Variants in DTNA observed in about 807,000 individuals in gnomAD.
DTNA encodes dystrobrevin alpha, also known as dystrophin-related protein 3.
DTNA carries 43 observed loss-of-function variants against 100.7 expected under a neutral mutation model. That is an observed-to-expected ratio of 0.43 (90% CI 0.33 to 0.55). The LOEUF (loss-of-function observed/expected upper bound fraction) is 0.55, where lower values mean the gene tolerates loss of function less well. DTNA is among the 20% of genes least tolerant of loss of function. The pLI is 0.04. For synonymous variants in DTNA, 349 were observed against 347.9 expected, an observed-to-expected ratio of 1.00 and a Z score of -0.04; for missense variants, 798 against 953.9, an observed-to-expected ratio of 0.84 and a Z score of 2.15.
intron 1 of DTNA, among the ~76,000 whole-genome samples, chr18:34,500,264 A>G (rs2039749202): frequency 6.6e-6 from 1 of 152,024 alleles, no homozygotes; most frequent in Non-Finnish European, 1.5e-5. Flanking sequence ...AGTCTGGTAC[A>G]TATATTACTA....
chr18:34,679,189 A>G, intron 1 of DTNA, among the ~76,000 whole-genome samples: 1 of 152,226 alleles, frequency 6.6e-6, no homozygotes, highest in East Asian at 1.9e-4. Context: ...CCAGGCAACT[A>G]TCATTAACCA....
At chr18:34,504,339 T>A (rs2040270556) in intron 1 of DTNA, among the ~76,000 whole-genome samples, 1 of 152,198 alleles carries the variant, frequency 6.6e-6, no homozygotes, top group Non-Finnish European at 1.5e-5. Context: ...TGTACATACA[T>A]TTGGAACCAC....
chr18:34,636,174 C>A (rs1024446744), intron 1 of DTNA, among the ~76,000 whole-genome samples: 21 of 152,152 alleles, frequency 1.4e-4, no homozygotes, highest in African/African-American at 4.3e-4. Context: ...GAGACAAAGT[C>A]TCACTCTGTC....
At chr18:34,708,594 G>A (rs574534675), upstream of DTNA, among the ~76,000 whole-genome samples, 140 of 152,290 alleles carry the variant, frequency 9.2e-4, no homozygotes, top group Non-Finnish European at 1.6e-3. Flanking sequence ...GTAGGTTGGA[G>A]CAAGCAGCCC....
At chr18:34,612,996 T>C (rs940637780) in intron 1 of DTNA, among the ~76,000 whole-genome samples, 1 of 152,210 alleles carries the variant, frequency 6.6e-6, no homozygotes, top group African/African-American at 2.4e-5. Flanking sequence ...TTTTACAAAT[T>C]GAAGGTTTGT....
chr18:34,785,800 A>T (rs1427566488), intron 3 of DTNA, among the ~76,000 whole-genome samples: 1 of 124,082 alleles, frequency 8.1e-6, no homozygotes, highest in African/African-American at 3.0e-5. Context: ...TCCCTCTCCG[A>T]CACACATGTA....
chr18:34,576,989 C>G (rs2146555835), intron 1 of DTNA, among the ~76,000 whole-genome samples: 1 of 152,266 alleles, frequency 6.6e-6, no homozygotes, highest in East Asian at 1.9e-4. Flanking sequence ...AAAAACTTCT[C>G]TCCCAAAACA....
chr18:34,889,658 G>A lies in DTNA; in HGVS notation c.*1924G>A. The A allele has an allele frequency of 1.0e-6, 1 of 985,776 alleles. No individual in the cohort carries two copies. The highest frequency in any genetic ancestry group is 1.2e-6 in the Non-Finnish European group (1 of 829,974). 61.1% of individuals were successfully genotyped at this position (985,776 alleles called of 1,614,324 possible). A position where few individuals can be genotyped will look rare whatever the true frequency, so the allele number is the denominator to read the frequency against. ...TTGGTCAGACATCATCTCCTTGGCT[G>A]CCCTTTGAAACCAAATCACTTGCCT... On this transcript the variant is annotated 3_prime_UTR_variant, in exon 23 of 23. Coordinates refer to ENST00000444659, the MANE Select transcript of DTNA (RefSeq NM_001386795.1).
intron 13 of DTNA, among the ~76,000 whole-genome samples, chr18:34,839,324 C>T (rs1439477380): frequency 2.0e-5 from 3 of 152,156 alleles, no homozygotes; most frequent in African/African-American, 4.8e-5. Context: ...TGGGAACAAT[C>T]GTCTTTCAGC....
At chr18:34,532,630 C>T (rs1434626963) in intron 1 of DTNA, among the ~76,000 whole-genome samples, 1 of 151,944 alleles carries the variant, frequency 6.6e-6, no homozygotes, top group Non-Finnish European at 1.5e-5. Flanking sequence ...TAATCTCATA[C>T]AATTTTATGC....
chr18:34,753,362 T>TTTATTTA (rs1380392296), intron 1 of DTNA, among the ~76,000 whole-genome samples: 1 of 84,776 alleles, frequency 1.2e-5, no homozygotes, highest in African/African-American at 6.5e-5. Flanking sequence ...TATTTATTTA[T>TTTATTTA]TTTATTTTTT....
chr18:34,511,832 ATATAT>A (rs1266578798), intron 1 of DTNA, among the ~76,000 whole-genome samples: 2 of 152,084 alleles, frequency 1.3e-5, no homozygotes, highest in Admixed American at 6.6e-5. Context: ...GCATATTTAA[ATATAT>A]TAGGTGAGTA....
intron 1 of DTNA, among the ~76,000 whole-genome samples, chr18:34,674,259 A>C (rs2077129808): frequency 6.6e-6 from 1 of 152,212 alleles, no homozygotes. Flanking sequence ...CTGGATGTGA[A>C]CAACTAAACT....
At chr18:34,611,595 T>C (rs1404029145) in intron 1 of DTNA, among the ~76,000 whole-genome samples, 1 of 151,476 alleles carries the variant, frequency 6.6e-6, no homozygotes, top group African/African-American at 2.4e-5. Flanking sequence ...GCTAAAGAAA[T>C]AAAAAGCACC....
At position 34,794,209 on chromosome 18, in the gene DTNA, C is replaced by T; in HGVS notation, c.321C>T (p.Ser107=). Residue 107 remains serine (S), a synonymous_variant, in exon 4 of 23, where the codon TCC becomes TCT. Transcript: ENST00000444659. ...PTTHQIHVEQ[S]ISLLLNFLLA... is the part of the protein sequence containing the mutation. ...CTCACCAAATCCATGTGGAGCAGTC[C>T]ATCAGCCTCCTCCTTAACTTCCTGC... 6.2e-7 allele frequency: 1 copy of T among 1,614,148 alleles called. No homozygotes were observed. Among genetic ancestry groups the T allele is most frequent in the South Asian group, 1.1e-5 (1 of 91,080 alleles).
At chr18:34,835,855 T>C (rs1231712137) in intron 11 of DTNA, among the ~76,000 whole-genome samples, 2 of 152,244 alleles carry the variant, frequency 1.3e-5, no homozygotes, top group Non-Finnish European at 2.9e-5. Context: ...TGAGAGGTTG[T>C]CCCTGTGCAA....
At position 34,820,875 on chromosome 18, in the gene DTNA, C is replaced by G; in HGVS notation, c.961C>G (p.Pro321Ala). 1 of 1,614,122 alleles carries G rather than the reference C, an allele frequency of 6.2e-7. No homozygotes were observed. Among genetic ancestry groups the G allele is most frequent in the Non-Finnish European group, 8.5e-7 (1 of 1,180,008 alleles). ...CCGTGAACCTTTGCACCCCATGTTC[C>G]CAGATCAGCCTGAGAAGCCACTCAA... Reference protein sequence around the residue: ...SSREPLHPMFPDQPEKPLNLA... With the variant: ...SSREPLHPMFADQPEKPLNLA... Residue 321 changes from proline (P) to alanine (A), a missense_variant, in exon 9 of 23, where the codon CCA becomes GCA. This residue lies in a region of DTNA where 93 missense variants were observed against 90.5 expected (regional missense o/e 1.03). Coordinates refer to ENST00000444659, the MANE Select transcript of DTNA (RefSeq NM_001386795.1).
intron 17 of DTNA, among the ~76,000 whole-genome samples, chr18:34,872,239 C>G (rs1260789466): frequency 2.6e-5 from 4 of 152,064 alleles, no homozygotes; most frequent in African/African-American, 9.7e-5. Flanking sequence ...GCAGAACAGC[C>G]CAGTGCACTA....
At chr18:34,739,338 A>C (rs532544441) in intron 1 of DTNA, among the ~76,000 whole-genome samples, 2 of 152,318 alleles carry the variant, frequency 1.3e-5, no homozygotes, top group Admixed American at 1.3e-4. Flanking sequence ...GACCTCCATA[A>C]GATATTGGCA....
Sources: gnomAD v4.1 joint callset for allele counts (sites outside exome capture counted in the v4.1 genomes callset) on GRCh38, gnomAD v4.1.1 for gene constraint, gnomAD v4.1.1 regional missense constraint, MANE v1.5 for transcripts, NCBI Gene and HGNC (gene_info 2026-07-23, HGNC 2026-07-21) for gene names.